The following EIF4E variants were observed in gnomAD, a reference collection of about 807,000 sequenced individuals.
EIF4E encodes the protein eukaryotic translation initiation factor 4E.
For synonymous variants in EIF4E, 71 were observed against 88.5 expected, an observed-to-expected ratio of 0.80 and a Z score of 1.11; for missense variants, 113 against 265.6, an observed-to-expected ratio of 0.43 and a Z score of 3.99.
intron 2 of EIF4E, among the ~76,000 whole-genome samples, chr4:98,898,138 G>A (rs1724493525): frequency 6.6e-6 from 1 of 152,148 alleles, no homozygotes; most frequent in Non-Finnish European, 1.5e-5. Flanking sequence ...AAGAAACCTA[G>A]TAGTGTATCA....
intron 2 of EIF4E, among the ~76,000 whole-genome samples, chr4:98,896,386 A>G (rs1724392963): frequency 7.0e-6 from 1 of 143,022 alleles, no homozygotes; most frequent in South Asian, 2.4e-4. Context: ...TGGGACAGGG[A>G]TGGGGACAGG....
intron 1 of EIF4E, among the ~76,000 whole-genome samples, chr4:98,922,553 CAA>C (rs1157510228): frequency 4.3e-4 from 32 of 74,026 alleles, no homozygotes; most frequent in Non-Finnish European, 3.7e-4. Context: ...GACGCTGTCT[CAA>C]AAAAAAAAAA....
intron 1 of EIF4E, chr4:98,928,755 C>T (rs1469060800): frequency 6.6e-6 from 8 of 1,203,228 alleles, no homozygotes; most frequent in Non-Finnish European, 1.1e-6. Flanking sequence ...GGCCCTGCGC[C>T]TTCCTATCAT....
intron 2 of EIF4E, among the ~76,000 whole-genome samples, chr4:98,898,268 T>C (rs1477049057): frequency 6.6e-6 from 1 of 152,168 alleles, no homozygotes; most frequent in Non-Finnish European, 1.5e-5. Context: ...CTTAACTCCA[T>C]AGACTGAAGG....
At chr4:98,914,361 C>CAAAAAAA in intron 1 of EIF4E, among the ~76,000 whole-genome samples, 1 of 34,834 alleles carries the variant, frequency 2.9e-5, no homozygotes, top group African/African-American at 1.0e-4. Context: ...GACTCCGTCT[C>CAAAAAAA]AAAAAAAAAA....
At chr4:98,915,109 A>G (rs920142841) in intron 1 of EIF4E, among the ~76,000 whole-genome samples, 2 of 152,070 alleles carry the variant, frequency 1.3e-5, no homozygotes, top group African/African-American at 4.8e-5. Flanking sequence ...ACACCCAGCT[A>G]GTTTTTTGTA....
Position 98,912,554 on chromosome 4 carries a change from G to A in EIF4E, c.19-10572C>T, listed in dbSNP as rs578158856. Among the ~76,000 whole-genome samples the A allele has an allele frequency of 1.1e-4, 16 of 151,092 alleles. 1 individual carries two copies. Among genetic ancestry groups the A allele is most frequent in the Admixed American group, 4.6e-4 (7 of 15,146 alleles). On this transcript the variant is annotated intron_variant, in intron 1 of 6. Transcript: ENST00000450253. ...TCGCACCACTGCACTCCAGCATAGC[G>A]AAAGCAAGACTCCATCTCAAAAAAA...
chr4:98,922,202 A>C (rs1468107077), intron 1 of EIF4E, among the ~76,000 whole-genome samples: 2 of 152,142 alleles, frequency 1.3e-5, no homozygotes, highest in Admixed American at 6.5e-5. Context: ...CCCACCACTT[A>C]ATAGCTGTGT....
At chr4:98,922,042 T>C (rs1725664412) in intron 1 of EIF4E, among the ~76,000 whole-genome samples, 3 of 152,226 alleles carry the variant, frequency 2.0e-5, no homozygotes, top group Admixed American at 6.5e-5. Flanking sequence ...CGTTTTATTT[T>C]ATAGCTGTAG....
At chr4:98,884,565 A>G (rs893106155) in intron 6 of EIF4E, among the ~76,000 whole-genome samples, 2 of 151,988 alleles carry the variant, frequency 1.3e-5, no homozygotes, top group South Asian at 2.1e-4. Context: ...TTACCCAAGC[A>G]TGGTGGCATG....
chr4:98,901,491 G>A (rs182213690), intron 2 of EIF4E, among the ~76,000 whole-genome samples: 34 of 152,084 alleles, frequency 2.2e-4, no homozygotes, highest in South Asian at 8.3e-4. Flanking sequence ...GTTTACAGGC[G>A]TGAGCCACCG....
chr4:98,896,224 A>AAAATAAAATAAAATT (rs552444898), intron 2 of EIF4E, among the ~76,000 whole-genome samples: 3 of 145,980 alleles, frequency 2.1e-5, no homozygotes, highest in African/African-American at 8.3e-5. Flanking sequence ...AAAATAAAAT[A>AAAATAAAATAAAATT]AGCTAGGCAT....
intron 1 of EIF4E, among the ~76,000 whole-genome samples, chr4:98,924,073 T>C (rs1235992760): frequency 1.3e-5 from 2 of 148,224 alleles, no homozygotes; most frequent in Non-Finnish European, 3.0e-5. Flanking sequence ...AGGAAACTTC[T>C]TTTGTTTATT....
At chr4:98,928,231 C>T (rs1299921642) in intron 1 of EIF4E, among the ~76,000 whole-genome samples, 1 of 152,094 alleles carries the variant, frequency 6.6e-6, no homozygotes, top group Non-Finnish European at 1.5e-5. Context: ...TGCAGCAGGT[C>T]CGGCCGGCAA....
chr4:98,920,370 G>A (rs1241766105), intron 1 of EIF4E, among the ~76,000 whole-genome samples: 4 of 151,090 alleles, frequency 2.6e-5, no homozygotes, highest in African/African-American at 4.9e-5. Flanking sequence ...GCACCATCTC[G>A]GCTCACTGCA....
In EIF4E at chr4:98,923,079, G is replaced by A. The variant is rs1046898443; in HGVS notation, c.18+6016C>T. On this transcript the variant is annotated intron_variant, in intron 1 of 6. Transcript: ENST00000450253. Reference sequence around the variant, plus strand: ...CTGGTCAGGCTGGTCTCGAACTCCCGACCTCAGGTGATCCGCCCACCTCAG... The same window carrying A: ...CTGGTCAGGCTGGTCTCGAACTCCCAACCTCAGGTGATCCGCCCACCTCAG... Among the ~76,000 whole-genome samples, 6 of 151,378 alleles carry A rather than the reference G, an allele frequency of 4.0e-5. No individual in the cohort carries two copies. In the East Asian group the frequency reaches 7.8e-4, roughly 20 times the overall value.
At chr4:98,919,547 A>G (rs1424097375) in intron 1 of EIF4E, among the ~76,000 whole-genome samples, 1 of 150,596 alleles carries the variant, frequency 6.6e-6, no homozygotes, top group East Asian at 1.9e-4. Flanking sequence ...CAGAATTTCT[A>G]GATTCTTTTT....
At chr4:98,921,465 T>C (rs1002740249) in intron 1 of EIF4E, among the ~76,000 whole-genome samples, 1 of 152,140 alleles carries the variant, frequency 6.6e-6, no homozygotes, top group Admixed American at 6.5e-5. Context: ...ACCTCCCAGG[T>C]TGAAGCAATT....
chr4:98,905,231 T>TTA (rs764056129), intron 1 of EIF4E, among the ~76,000 whole-genome samples: 10 of 140,548 alleles, frequency 7.1e-5, no homozygotes, highest in African/African-American at 1.8e-4. Context: ...TCAGGGAATT[T>TTA]AAAAAAAAAA....
Sources: allele counts gnomAD v4.1 joint callset (sites outside exome capture counted in the v4.1 genomes callset), GRCh38; gene constraint gnomAD v4.1.1; transcripts MANE v1.5; gene names NCBI Gene and HGNC (gene_info 2026-07-23, HGNC 2026-07-21).